The following ARHGEF38 variants were observed in gnomAD, a reference collection of about 807,000 sequenced individuals.
ARHGEF38 encodes the protein Rho guanine nucleotide exchange factor (GEF) 38.
Under a neutral mutation model 79.9 loss-of-function variants are expected in ARHGEF38, and 79 were observed. The observed-to-expected ratio is 0.99, with a 90% CI of 0.82 to 1.19. ARHGEF38 has a LOEUF of 1.19. Among genes scored for constraint, ARHGEF38 ranks in the 50% most tolerant of loss-of-function variants. The pLI is 0.00. For missense variants in ARHGEF38, 962 were observed against 907.2 expected, an observed-to-expected ratio of 1.06 and a Z score of -0.78; for synonymous variants, 366 against 328.3, an observed-to-expected ratio of 1.11 and a Z score of -1.24.
intron 7 of ARHGEF38, 139 bp downstream of exon 7, chr4:105,648,821 T>C (rs1162128714): frequency 4.2e-5 from 10 of 236,572 alleles, no homozygotes; most frequent in Non-Finnish European, 7.9e-5. Context: ...CTTGTCTCCC[T>C]CTCTCTCTCT....
At chr4:105,562,059 G>T (rs1725659322) in intron 1 of ARHGEF38, among the ~76,000 whole-genome samples, 1 of 152,116 alleles carries the variant, frequency 6.6e-6, no homozygotes. Context: ...TGGTGATACA[G>T]GGAGGGCACT....
At chr4:105,573,100 G>T (rs548806790) in intron 1 of ARHGEF38, among the ~76,000 whole-genome samples, 1 of 152,152 alleles carries the variant, frequency 6.6e-6, no homozygotes, top group Admixed American at 6.5e-5. Context: ...TTTTGTTGTT[G>T]TTATTGTTGA....
intron 1 of ARHGEF38, among the ~76,000 whole-genome samples, 187 bp from the exon 2 acceptor site, chr4:105,589,061 C>T (rs562757973): frequency 6.6e-6 from 1 of 152,280 alleles, no homozygotes; most frequent in South Asian, 2.1e-4. Context: ...AGAGGAAGTT[C>T]GCTCCCACTT....
intron 1 of ARHGEF38, chr4:105,563,196 A>C (rs1725722309): frequency 6.6e-6 from 1 of 152,198 alleles, no homozygotes; most frequent in African/African-American, 2.4e-5. Flanking sequence ...TTATTATTAG[A>C]GACACAAATA....
chr4:105,628,182 C>A (rs376484880), intron 3 of ARHGEF38, among the ~76,000 whole-genome samples: 1 of 152,254 alleles, frequency 6.6e-6, no homozygotes, highest in African/African-American at 2.4e-5. Context: ...TTTTGACTTT[C>A]TAATTTGATC....
chr4:105,677,372 C>T (rs1361778135), intron 13 of ARHGEF38, among the ~76,000 whole-genome samples: 1 of 152,172 alleles, frequency 6.6e-6, no homozygotes, highest in East Asian at 1.9e-4. Context: ...CACTTTTCGC[C>T]ATTCTTATGG....
chr4:105,642,634 A>T (rs1355600923), intron 5 of ARHGEF38, among the ~76,000 whole-genome samples: 7 of 152,198 alleles, frequency 4.6e-5, no homozygotes, highest in African/African-American at 1.7e-4. Flanking sequence ...GTACTCTATC[A>T]AAATGAGGAA....
chr4:105,588,711 C>G (rs1727172363), intron 1 of ARHGEF38, among the ~76,000 whole-genome samples: 1 of 152,212 alleles, frequency 6.6e-6, no homozygotes, highest in South Asian at 2.1e-4. Context: ...TAATCCACCA[C>G]TTCTTCACTC....
chr4:105,582,407 C>T (rs562755895), intron 1 of ARHGEF38, among the ~76,000 whole-genome samples: 1 of 151,266 alleles, frequency 6.6e-6, no homozygotes, highest in South Asian at 2.1e-4. Flanking sequence ...AGTGCTTTAC[C>T]TACATTCCAC....
In ARHGEF38 at chr4:105,589,469, C is replaced by T. The variant is rs376809428; in HGVS notation, c.384+34C>T. ...ATATTTGAGATTTTTTTTTCTCTCC[C>T]ATATCATAAATAGGATCACTAGCAC... On this transcript the variant is annotated intron_variant, in intron 2 of 13. Coordinates refer to ENST00000420470, the MANE Select transcript of ARHGEF38 (RefSeq NM_001242729.2). 107 of 1,564,464 alleles carry T rather than the reference C, an allele frequency of 6.8e-5. 1 individual carries two copies. The East Asian group carries it at 1.0e-3, about 15-fold the overall frequency.
intron 2 of ARHGEF38, among the ~76,000 whole-genome samples, chr4:105,609,503 A>G (rs541117543): frequency 1.1e-3 from 171 of 152,244 alleles, no homozygotes; most frequent in Non-Finnish European, 2.1e-3. Context: ...GATTGGAAGA[A>G]TTAATACTGT....
chr4:105,584,509 G>A lies in ARHGEF38; in HGVS notation c.197-4739G>A, dbSNP rs143415369. ...ACAGATGAGAAAATTGATACAGGAA[G>A]AGCTAAGTAACTTGTCTGAGGTAAT... is the stretch of plus-strand genomic sequence containing the variant. On this transcript the variant is annotated intron_variant, in intron 1 of 13. Transcript: ENST00000420470. Among the ~76,000 whole-genome samples, 375 of 152,264 alleles carry A rather than the reference G, an allele frequency of 2.5e-3. 2 individuals carry two copies. Among genetic ancestry groups the A allele is most frequent in the Middle Eastern group, 0.014 (4 of 294 alleles).
At position 105,613,380 on chromosome 4, in the gene ARHGEF38, T is replaced by G. The variant is rs755631375; in HGVS notation, c.385-4T>G. 1 of 1,612,118 alleles carries G rather than the reference T, an allele frequency of 6.2e-7. No homozygotes were observed. Among genetic ancestry groups the G allele is most frequent in the Non-Finnish European group, 8.5e-7 (1 of 1,178,812 alleles). On this transcript the variant is annotated splice_region_variant and splice_polypyrimidine_tract_variant and intron_variant, in intron 2 of 13. Transcript: ENST00000420470. The stretch of plus-strand genomic sequence containing the variant: ...CATCAGCTCAATGTTTTTTGTTTCT[T>G]CAGACTGATAGGCTGGATGTGGATA...
chr4:105,561,419 AGAATG>A (rs1401158972), intron 1 of ARHGEF38, among the ~76,000 whole-genome samples: 660 of 46,014 alleles, frequency 0.014, 80 homozygotes, highest in African/African-American at 0.037. Flanking sequence ...AGAATAGAAT[AGAATG>A]GAATAGAATA....
chr4:105,667,771 T>C (rs1560760416), intron 13 of ARHGEF38, 68 bp downstream of exon 13: 3 of 1,494,994 alleles, frequency 2.0e-6, no homozygotes, highest in Non-Finnish European at 2.7e-6. Context: ...CTGTACTCTA[T>C]AATACTGTAA....
At chr4:105,555,508 T>C (rs1013691059) in intron 1 of ARHGEF38, among the ~76,000 whole-genome samples, 1 of 152,164 alleles carries the variant, frequency 6.6e-6, no homozygotes, top group African/African-American at 2.4e-5. Flanking sequence ...AGAAGCTCTT[T>C]ATTATTCAAA....
intron 2 of ARHGEF38, 101 bp downstream of exon 2, chr4:105,589,536 C>A: frequency 9.6e-7 from 1 of 1,037,134 alleles, no homozygotes; most frequent in Non-Finnish European, 1.4e-6. Context: ...GGATGATGTG[C>A]CTTTCTCCCC....
chr4:105,597,648 AT>A (rs959636024), intron 2 of ARHGEF38, among the ~76,000 whole-genome samples: 26 of 152,200 alleles, frequency 1.7e-4, no homozygotes, highest in South Asian at 6.2e-4. Flanking sequence ...GAGTTAAGGT[AT>A]TGATTTCTCA....
At chr4:105,566,337 C>T (rs1313661063) in intron 1 of ARHGEF38, among the ~76,000 whole-genome samples, 1 of 152,210 alleles carries the variant, frequency 6.6e-6, no homozygotes, top group African/African-American at 2.4e-5. Context: ...CTCCATAGGA[C>T]TGATGTCCAG....
Sources: gnomAD v4.1 joint callset for allele counts (sites outside exome capture counted in the v4.1 genomes callset) on GRCh38, gnomAD v4.1.1 for gene constraint, MANE v1.5 for transcripts, NCBI Gene and HGNC (gene_info 2026-07-23, HGNC 2026-07-21) for gene names.